The following ADGB variants were observed in gnomAD, a reference collection of about 807,000 sequenced individuals.
ADGB encodes androglobin.
Under a neutral mutation model 210.5 loss-of-function variants are expected in ADGB, and 172 were observed. That is an observed-to-expected ratio of 0.82 (90% CI 0.72 to 0.93). ADGB has a LOEUF of 0.93. Ranked by LOEUF, ADGB falls within the 40% of genes least tolerant of loss-of-function variation. The pLI, the probability that ADGB is intolerant of heterozygous loss-of-function variation, is 0.00. For missense variants in ADGB, 2,025 were observed against 1,964.8 expected, an observed-to-expected ratio of 1.03 and a Z score of -0.58; for synonymous variants, 658 against 662.7, an observed-to-expected ratio of 0.99 and a Z score of 0.11.
intron 35 of ADGB, among the ~76,000 whole-genome samples, chr6:146,814,785 GTA>G (rs1202756260): frequency 6.6e-6 from 1 of 152,116 alleles, no homozygotes; most frequent in Non-Finnish European, 1.5e-5. Context: ...GGAAAAAAAA[GTA>G]TGTTTTGACT....
chr6:146,763,193 C>G (rs1399648794), intron 27 of ADGB, among the ~76,000 whole-genome samples: 2 of 152,282 alleles, frequency 1.3e-5, no homozygotes, highest in Non-Finnish European at 2.9e-5. Context: ...TTTCCCTTGT[C>G]TCAAGGATCA....
chr6:146,722,809 A>T (rs777059048), intron 17 of ADGB, among the ~76,000 whole-genome samples: 2 of 152,140 alleles, frequency 1.3e-5, no homozygotes, highest in Non-Finnish European at 2.9e-5. Flanking sequence ...AACTTTCTCA[A>T]AATCTAGGCC....
At chr6:146,739,067 T>C (rs1438568895) in intron 23 of ADGB, among the ~76,000 whole-genome samples, 1 of 152,164 alleles carries the variant, frequency 6.6e-6, no homozygotes, top group Non-Finnish European at 1.5e-5. Context: ...TTGATGGCCC[T>C]ACATTCATTA....
At chr6:146,778,892 G>GAA (rs1033281340) in intron 29 of ADGB, among the ~76,000 whole-genome samples, 1 of 152,098 alleles carries the variant, frequency 6.6e-6, no homozygotes, top group African/African-American at 2.4e-5. Context: ...TGAAAGCAAT[G>GAA]AAAAACCTGG....
chr6:146,787,652 CTTT>C (rs1777893120), intron 32 of ADGB, among the ~76,000 whole-genome samples: 1 of 120,020 alleles, frequency 8.3e-6, no homozygotes, highest in Non-Finnish European at 1.8e-5. Context: ...CTCTTAAGTA[CTTT>C]CCTATTGCCA....
At chr6:146,806,116 C>CGG (rs1778208218) in intron 35 of ADGB, among the ~76,000 whole-genome samples, 2 of 152,092 alleles carry the variant, frequency 1.3e-5, no homozygotes, top group African/African-American at 4.8e-5. Context: ...GATTAGAAAA[C>CGG]AAAAGGGAAT....
intron 9 of ADGB, 79 bp downstream of exon 9, chr6:146,676,520 C>A (rs1302197376): frequency 1.7e-6 from 2 of 1,167,566 alleles, no homozygotes; most frequent in East Asian, 6.3e-5. Context: ...CATAGAAATA[C>A]ATTTTTTCTT....
intron 1 of ADGB, among the ~76,000 whole-genome samples, chr6:146,610,995 G>A (rs1266170917): frequency 6.6e-6 from 1 of 152,058 alleles, no homozygotes; most frequent in East Asian, 1.9e-4. Context: ...GTGTGGAAAG[G>A]TCCACTACAC....
chr6:146,686,997 A>AT (rs1776242031), intron 10 of ADGB, among the ~76,000 whole-genome samples: 1 of 152,014 alleles, frequency 6.6e-6, no homozygotes, highest in African/African-American at 2.4e-5. Flanking sequence ...CGTTGCTAAC[A>AT]TTTTTCCCTT....
intron 10 of ADGB, among the ~76,000 whole-genome samples, chr6:146,690,132 G>C (rs1776282313): frequency 6.6e-6 from 1 of 152,042 alleles, no homozygotes. Context: ...TATCTCACGG[G>C]TCTCCTACCT....
At chr6:146,618,105 T>G (rs912448211) in intron 1 of ADGB, among the ~76,000 whole-genome samples, 1 of 152,028 alleles carries the variant, frequency 6.6e-6, no homozygotes, top group Non-Finnish European at 1.5e-5. Flanking sequence ...AAAAATATAT[T>G]TACTGTTTAT....
rs367614399 is a variant in ADGB, at chr6:146,755,878, T to C, written c.3550+3164T>C. Reference sequence around the variant, plus strand: ...TATTTTGATTAAACCTACAAGCAAATTACTAGAAATAACTGTTATTTTTCT... The same window carrying C: ...TATTTTGATTAAACCTACAAGCAAACTACTAGAAATAACTGTTATTTTTCT... On this transcript the variant is annotated intron_variant, in intron 27 of 35. Transcript: ENST00000397944. Among the ~76,000 whole-genome samples, 12 of 152,200 alleles carry C rather than the reference T, an allele frequency of 7.9e-5. No homozygotes were observed. In the South Asian group the frequency reaches 2.5e-3, roughly 32 times the overall value.
chr6:146,807,028 A>G (rs1380677204), intron 35 of ADGB, among the ~76,000 whole-genome samples: 1 of 152,230 alleles, frequency 6.6e-6, no homozygotes, highest in African/African-American at 2.4e-5. Flanking sequence ...TGTCAAGGAT[A>G]GCATACATGT....
chr6:146,677,954 T>C (rs899324608), intron 9 of ADGB, among the ~76,000 whole-genome samples: 6 of 152,244 alleles, frequency 3.9e-5, no homozygotes, highest in Non-Finnish European at 1.5e-5. Flanking sequence ...AAAGCCTTTG[T>C]TAATTCTTAC....
In ADGB at chr6:146,782,081, T is replaced by C; in HGVS notation, c.3924T>C (p.Ser1308=). ...GAAGCCCAGACTCCCACACTATTAGTGAGGGACAAAAATCTTCAGTAACTT... is the reference window on the plus strand; with the variant it reads ...GAAGCCCAGACTCCCACACTATTAGCGAGGGACAAAAATCTTCAGTAACTT... The part of the protein sequence containing the change: ...NLGSPDSHTI[S]EGQKSSVTSK... The change falls in exon 30 of 36, where the codon AGT becomes AGC. Residue 1308 remains serine, a synonymous_variant. Transcript: ENST00000397944. 6.5e-7 allele frequency: 1 copy of C among 1,547,944 alleles called. No homozygotes were observed. The highest frequency in any genetic ancestry group is 8.7e-7 in the Non-Finnish European group (1 of 1,145,614).
intron 35 of ADGB, chr6:146,803,772 A>C: frequency 3.2e-6 from 2 of 628,198 alleles, no homozygotes; most frequent in Non-Finnish European, 2.7e-6. Flanking sequence ...CGCGCTGACA[A>C]TCAGCGCCCG....
At chr6:146,639,586 CCT>C (rs1225010733) in intron 2 of ADGB, 1 of 152,014 alleles carries the variant, frequency 6.6e-6, no homozygotes, top group Admixed American at 6.6e-5. Context: ...TCAAACTATC[CCT>C]GTTTGCAGAT....
At chr6:146,681,602 G>A (rs534913902) in intron 9 of ADGB, among the ~76,000 whole-genome samples, 1 of 152,076 alleles carries the variant, frequency 6.6e-6, no homozygotes, top group Admixed American at 6.6e-5. Flanking sequence ...AAGCAAAGAA[G>A]TAAATTAGCC....
At chr6:146,703,400 T>G (rs1316633952) in intron 13 of ADGB, among the ~76,000 whole-genome samples, 1 of 151,856 alleles carries the variant, frequency 6.6e-6, no homozygotes, top group East Asian at 1.9e-4. Flanking sequence ...TAAAATCTTC[T>G]GTCTTATCAA....
Sources: gnomAD v4.1 joint callset for allele counts (sites outside exome capture counted in the v4.1 genomes callset) on GRCh38, gnomAD v4.1.1 for gene constraint, MANE v1.5 for transcripts, NCBI Gene and HGNC (gene_info 2026-07-23, HGNC 2026-07-21) for gene names.